Variants in NKAIN3 observed in about 807,000 individuals in gnomAD.
NKAIN3 encodes the protein sodium/potassium transporting ATPase interacting 3, also known as sodium/potassium-transporting ATPase subunit beta-1-interacting protein 3.
Under a neutral mutation model 30.2 loss-of-function variants are expected in NKAIN3, and 25 were observed. That is an observed-to-expected ratio of 0.83 (90% confidence interval 0.60 to 1.16). The LOEUF (loss-of-function observed/expected upper bound fraction) is 1.16, where lower values mean the gene tolerates loss of function less well. NKAIN3 is among the 50% of genes most tolerant of loss of function. NKAIN3 has a pLI of 0.00. For missense variants in NKAIN3, 225 were observed against 254.1 expected (o/e 0.89, Z 0.78); for synonymous variants, 91 against 89.6 (o/e 1.02, Z -0.09).
intron 1 of NKAIN3, among the ~76,000 whole-genome samples, chr8:62,401,995 A>G (rs1803889983): frequency 2.0e-5 from 3 of 152,106 alleles, no homozygotes; most frequent in African/African-American, 7.2e-5. Flanking sequence ...TTTTCTCTCA[A>G]CCTTCAGGGC....
chr8:62,364,547 T>TA (rs1235248593), intron 1 of NKAIN3, among the ~76,000 whole-genome samples: 1 of 151,782 alleles, frequency 6.6e-6, no homozygotes, highest in African/African-American at 2.4e-5. Flanking sequence ...TTTTAATAAT[T>TA]AAAAAAATCA....
At chr8:62,549,628 T>G (rs1809128495) in intron 1 of NKAIN3, among the ~76,000 whole-genome samples, 1 of 152,052 alleles carries the variant, frequency 6.6e-6, no homozygotes, top group South Asian at 2.1e-4. Context: ...ATAAATCTCT[T>G]TTTCTTACAC....
At chr8:62,365,316 A>G (rs934350304) in intron 1 of NKAIN3, among the ~76,000 whole-genome samples, 2 of 152,132 alleles carry the variant, frequency 1.3e-5, no homozygotes, top group African/African-American at 4.8e-5. Context: ...TTTTTCCAAT[A>G]ATCTCTTAGT....
intron 4 of NKAIN3, among the ~76,000 whole-genome samples, chr8:62,854,836 G>A (rs776673671): frequency 1.3e-4 from 20 of 152,082 alleles, no homozygotes; most frequent in Non-Finnish European, 2.1e-4. Context: ...GGCTGGTAAC[G>A]ATTTTTCCTT....
rs531563684 is a variant in NKAIN3, at chr8:62,289,948, G to A, written c.54+40821G>A. Among the ~76,000 whole-genome samples, 12 of 152,170 alleles carry A rather than the reference G, an allele frequency of 7.9e-5. No homozygotes were observed. The South Asian group carries it at 2.5e-3, about 32-fold the overall frequency. ...AGTGGTTTATAGTTCCCCTTGAAGA[G>A]GTCCTTCACATCCCTTGTAAGTTGG... is the stretch of plus-strand genomic sequence containing the variant. On this transcript the variant is annotated intron_variant, in intron 1 of 6. Transcript: ENST00000623646.
chr8:62,291,953 T>G (rs183521734), intron 1 of NKAIN3, among the ~76,000 whole-genome samples: 5 of 152,228 alleles, frequency 3.3e-5, no homozygotes, highest in East Asian at 1.9e-4. Context: ...AGGATAGTTA[T>G]CTCTTCTTGT....
At chr8:62,444,357 G>A (rs1184569692) in intron 1 of NKAIN3, among the ~76,000 whole-genome samples, 1 of 151,970 alleles carries the variant, frequency 6.6e-6, no homozygotes, top group African/African-American at 2.4e-5. Context: ...CTTCCTAACT[G>A]TGTATTTGTA....
At chr8:62,898,146 TATC>T (rs752760458) in intron 4 of NKAIN3, among the ~76,000 whole-genome samples, 1 of 151,976 alleles carries the variant, frequency 6.6e-6, no homozygotes, top group African/African-American at 2.4e-5. Context: ...TGAAGGGAAA[TATC>T]ATGTTAATAT....
intron 3 of NKAIN3, among the ~76,000 whole-genome samples, chr8:62,746,144 G>A (rs562152405): frequency 2.0e-5 from 3 of 152,334 alleles, no homozygotes; most frequent in African/African-American, 7.2e-5. Context: ...AAGCTTTAGA[G>A]GAGAATTCTT....
intron 4 of NKAIN3, among the ~76,000 whole-genome samples, chr8:62,801,513 T>C (rs1818062319): frequency 6.6e-6 from 1 of 152,232 alleles, no homozygotes; most frequent in Non-Finnish European, 1.5e-5. Flanking sequence ...AAACAGGGTC[T>C]GGAGTGGACC....
chr8:62,859,965 G>T (rs1033225691), intron 4 of NKAIN3, among the ~76,000 whole-genome samples: 1 of 152,120 alleles, frequency 6.6e-6, no homozygotes, highest in Non-Finnish European at 1.5e-5. Context: ...GACATTTGTT[G>T]CCATTTTGCT....
rs181402056 is a variant in NKAIN3 at position 62,344,912 on chromosome 8, A to G, written c.54+95785A>G. 1.9e-4 allele frequency: 77 copies of G among 396,406 alleles called. 1 individual carries two copies. Among genetic ancestry groups the G allele is most frequent in the African/African-American group, 1.5e-3 (71 of 47,822 alleles). The allele number at this position is 396,406 out of a possible 1,614,324, so 24.6% of individuals were successfully genotyped here. A position where few individuals can be genotyped will look rare whatever the true frequency, so the allele number is the denominator to read the frequency against. On this transcript the variant is annotated intron_variant, in intron 1 of 6. Transcript: ENST00000623646. ...TAACTTTGAGTAGCTTGGAAATTTT[A>G]ACAATATTAATTTTTCCAGTACAAT...
intron 1 of NKAIN3, among the ~76,000 whole-genome samples, chr8:62,535,018 C>G (rs1808612156): frequency 1.3e-5 from 2 of 151,990 alleles, no homozygotes; most frequent in African/African-American, 4.8e-5. Context: ...TGTGTGCATG[C>G]TTTTTTATGA....
At chr8:62,306,536 T>TTGTGTGTGTGTGTGTG (rs10552182) in intron 1 of NKAIN3, among the ~76,000 whole-genome samples, 1 of 135,966 alleles carries the variant, frequency 7.4e-6, no homozygotes, top group African/African-American at 3.1e-5. Flanking sequence ...TTTGAAGGCT[T>TTGTGTGTGTGTGTGTG]TGTGTGTGTG....
At chr8:62,924,276 C>T (rs1822371528) in intron 5 of NKAIN3, among the ~76,000 whole-genome samples, 1 of 152,162 alleles carries the variant, frequency 6.6e-6, no homozygotes, top group African/African-American at 2.4e-5. Context: ...CCATTTTTCT[C>T]CCACCCTTTC....
At chr8:62,295,413 A>G (rs1318355899) in intron 1 of NKAIN3, among the ~76,000 whole-genome samples, 1 of 152,188 alleles carries the variant, frequency 6.6e-6, no homozygotes, top group Non-Finnish European at 1.5e-5. Flanking sequence ...GCGTGATTTC[A>G]TGCAACAACT....
rs192483485 is a variant in NKAIN3, at chr8:62,515,891, G to T, written c.55-63648G>T. ...TATAAATTATATATTTAAATTACTT[G>T]CTTATTTTTCTATTGTGTTTCCTGT... On this transcript the variant is annotated intron_variant, in intron 1 of 6. Coordinates refer to ENST00000623646, the MANE Select transcript of NKAIN3 (RefSeq NM_001304533.3). Among the ~76,000 whole-genome samples, 378 of 152,058 alleles carry T rather than the reference G, an allele frequency of 2.5e-3. 2 individuals are homozygous for T. Among genetic ancestry groups the T allele is most frequent in the African/African-American group, 8.2e-3 (342 of 41,498 alleles).
intron 4 of NKAIN3, among the ~76,000 whole-genome samples, chr8:62,819,092 A>G (rs578130944): frequency 6.6e-6 from 1 of 150,406 alleles, no homozygotes; most frequent in Non-Finnish European, 1.5e-5. Context: ...ATGCCCAAAG[A>G]TATAATATTG....
chr8:62,721,141 C>T lies in NKAIN3; in HGVS notation c.274-25791C>T, dbSNP rs76613762. ...CCCATCTGTCCAGGAGTAAAATATC[C>T]CTGTAGCAGAGTCACATATAGAAGC... On this transcript the variant is annotated intron_variant, in intron 3 of 6. Coordinates refer to ENST00000623646, the MANE Select transcript of NKAIN3 (RefSeq NM_001304533.3). 7.7e-3 allele frequency among the ~76,000 whole-genome samples: 1,178 copies of T among 152,192 alleles called. 7 individuals are homozygous for T. The highest frequency in any genetic ancestry group is 0.014 in the Middle Eastern group (4 of 294).
Sources: gnomAD v4.1 joint callset for allele counts (sites outside exome capture counted in the v4.1 genomes callset) on GRCh38, gnomAD v4.1.1 for gene constraint, MANE v1.5 for transcripts, NCBI Gene and HGNC (gene_info 2026-07-23, HGNC 2026-07-21) for gene names.